Variants in ZMYM1 observed in about 807,000 individuals in gnomAD.
ZMYM1 encodes the protein zinc finger MYM-type containing 1, also known as zinc finger MYM-type protein 1.
Under a neutral mutation model 60.0 loss-of-function variants are expected in ZMYM1, and 39 were observed. The ratio of observed to expected loss-of-function variants is 0.65; its 90% CI spans 0.50 to 0.85. The LOEUF is 0.85. ZMYM1 is among the 40% of genes least tolerant of loss of function. ZMYM1 has a pLI of 0.00. For missense variants in ZMYM1, 1,171 were observed against 1,309.5 expected, an observed-to-expected ratio of 0.89 and a Z score of 1.63; for synonymous variants, 413 against 454.0, an observed-to-expected ratio of 0.91 and a Z score of 1.15.
chr1:35,113,376 A>C lies in ZMYM1; in HGVS notation c.1546A>C (p.Ser516Arg). 6.2e-7 allele frequency: 1 copy of C among 1,613,642 alleles called. No individual in the cohort carries two copies. The highest frequency in any genetic ancestry group is 2.2e-5 in the East Asian group (1 of 44,862). ...TLEKFRKHEK[S>R]EMHLKSLEFW... ...GGAAAAATTCAGAAAGCATGAAAAA[A>C]GTGAAATGCATTTGAAGTCATTGGA... Residue 516 changes from serine (S) to arginine (R), a missense_variant, in exon 10 of 10, where the codon AGT (serine) becomes CGT (arginine). Transcript: ENST00000359858.
At chr1:35,098,590 A>G (rs143209901) in intron 4 of ZMYM1, among the ~76,000 whole-genome samples, 2,137 of 152,318 alleles carry the variant, frequency 0.014, 140 homozygotes, top group Admixed American at 0.11. Context: ...CTAGATCAGC[A>G]TCACCCAAGA....
At chr1:35,097,600 C>T (rs1256837876) in intron 4 of ZMYM1, 34 bp downstream of exon 4, 1 of 1,608,780 alleles carries the variant, frequency 6.2e-7, no homozygotes, top group East Asian at 2.2e-5. Context: ...CCTTTTATTT[C>T]CCTACCTTGT....
At position 35,113,175 on chromosome 1, in the gene ZMYM1, G is replaced by A. The variant is rs780979422; in HGVS notation, c.1345G>A (p.Val449Ile). ...AAAATGTACATCCAAAGTACAAAAA[G>A]TTAAAGGTAAATCACGAAGTATTAA... ...HPKCTSKVQK[V>I]KGKSRSIKKS... Residue 449 changes from valine to isoleucine, a missense_variant, in exon 10 of 10, where the codon GTT (valine) becomes ATT (isoleucine). Val to Ile is a conservative substitution (Grantham distance 29). Transcript: ENST00000359858. 6.2e-7 allele frequency: 1 copy of A among 1,613,662 alleles called. No homozygotes were observed. The highest frequency in any genetic ancestry group is 8.5e-7 in the Non-Finnish European group (1 of 1,179,808).
intron 1 of ZMYM1, among the ~76,000 whole-genome samples, chr1:35,072,760 C>T (rs1320261865): frequency 1.3e-5 from 2 of 151,928 alleles, no homozygotes; most frequent in Non-Finnish European, 2.9e-5. Flanking sequence ...CCAGCCTGGT[C>T]AACATAGTGA....
At chr1:35,097,273 T>A (rs759312452) in intron 3 of ZMYM1, 44 bp from the exon 4 acceptor site, 11 of 1,540,898 alleles carry the variant, frequency 7.1e-6, no homozygotes, top group Admixed American at 2.2e-5. Flanking sequence ...TACTTAATTT[T>A]GTGTAAATAA....
At chr1:35,104,510 C>G in intron 5 of ZMYM1, 41 bp downstream of exon 5, 1 of 1,610,628 alleles carries the variant, frequency 6.2e-7, no homozygotes, top group Non-Finnish European at 8.5e-7. Flanking sequence ...TCTGATGATT[C>G]TGCTTAAATA....
At chr1:35,090,615 G>A (rs1642944456) in intron 1 of ZMYM1, among the ~76,000 whole-genome samples, 1 of 152,194 alleles carries the variant, frequency 6.6e-6, no homozygotes, top group Admixed American at 6.5e-5. Flanking sequence ...TGGATAGTGA[G>A]GAGAAGCAGG....
rs920234666 is a variant in ZMYM1 at position 35,113,253 on chromosome 1, G to A, written c.1423G>A (p.Ala475Thr). The A allele has an allele frequency of 2.5e-6, 4 of 1,613,142 alleles. No individual in the cohort carries two copies. Among genetic ancestry groups the A allele is most frequent in the Non-Finnish European group, 2.5e-6 (3 of 1,179,216 alleles). Residue 475 changes from alanine (A) to threonine (T), a missense_variant, in exon 10 of 10, where the codon GCA becomes ACA. Transcript: ENST00000359858. ...TTTGGAAAACAGTAAAAAAGATGTG[G>A]CATTCTGTTATTCATGCCAGTTGTT... is the stretch of plus-strand genomic sequence containing the variant. ...ECLENSKKDV[A>T]FCYSCQLFCQ...
intron 1 of ZMYM1, among the ~76,000 whole-genome samples, chr1:35,083,675 G>A (rs1314671606): frequency 1.3e-5 from 2 of 152,020 alleles, no homozygotes; most frequent in Non-Finnish European, 2.9e-5. Context: ...GTGTGCAGTG[G>A]TGCGATCATA....
intron 1 of ZMYM1, among the ~76,000 whole-genome samples, chr1:35,085,484 A>G (rs2148495627): frequency 6.6e-6 from 1 of 152,322 alleles, no homozygotes; most frequent in Non-Finnish European, 1.5e-5. Context: ...TGAGGAGGTT[A>G]AGGTGCAGCT....
At chr1:35,074,962 G>A (rs780286940), upstream of ZMYM1, among the ~76,000 whole-genome samples, 20 of 151,834 alleles carry the variant, frequency 1.3e-4, no homozygotes, top group African/African-American at 3.6e-4. Context: ...CTGGGTTTAC[G>A]CCATTCTCCT....
chr1:35,081,293 C>G (rs113101165), intron 1 of ZMYM1, among the ~76,000 whole-genome samples: 2,133 of 152,188 alleles, frequency 0.014, 57 homozygotes, highest in African/African-American at 0.048. Context: ...AGGAGTATAT[C>G]TGCTTCCAGA....
intron 1 of ZMYM1, among the ~76,000 whole-genome samples, chr1:35,067,876 A>G (rs1641999205): frequency 6.7e-6 from 1 of 149,450 alleles, no homozygotes; most frequent in Non-Finnish European, 1.5e-5. Context: ...GTTCTGTCCA[A>G]AAAAAACAAA....
At chr1:35,108,331 A>T (rs912410245) in intron 6 of ZMYM1, among the ~76,000 whole-genome samples, 1 of 151,774 alleles carries the variant, frequency 6.6e-6, no homozygotes, top group Admixed American at 6.6e-5. Context: ...TTGTCTTTGT[A>T]CTTTGGTGGG....
At chr1:35,110,269 G>T in intron 6 of ZMYM1, 25 bp from the exon 7 acceptor site, 1 of 1,436,970 alleles carries the variant, frequency 7.0e-7, no homozygotes, top group South Asian at 1.7e-5. Flanking sequence ...CCAGGAATAT[G>T]AATATTATTT....
intron 4 of ZMYM1, among the ~76,000 whole-genome samples, chr1:35,102,074 G>T (rs963291131): frequency 1.3e-5 from 2 of 152,078 alleles, no homozygotes; most frequent in African/African-American, 4.8e-5. Context: ...CTGGATTTTT[G>T]TATCTGTTTC....
chr1:35,113,766 A>G lies in ZMYM1; in HGVS notation c.1936A>G (p.Ile646Val), dbSNP rs757116727. ...CAATGACTCCTCAGCATTTTCAATC[A>G]TATGTGATGAGACAATCAATAGTGC... is the stretch of plus-strand genomic sequence containing the variant. ...EINDSSAFSI[I>V]CDETINSAMK... The change falls in exon 10 of 10, where the codon ATA becomes GTA. Residue 646 changes from isoleucine (I) to valine (V), a missense_variant. By Grantham distance (29) the Ile-to-Val change is conservative (BLOSUM62 3). Coordinates refer to ENST00000359858, the MANE Select transcript of ZMYM1 (RefSeq NM_024772.5). 2.2e-5 allele frequency: 36 copies of G among 1,613,852 alleles called. No homozygotes were observed. In the African/African-American group the frequency reaches 4.0e-4, roughly 18 times the overall value.
upstream of ZMYM1, among the ~76,000 whole-genome samples, chr1:35,075,564 C>T (rs1642152225): frequency 6.6e-6 from 1 of 152,182 alleles, no homozygotes; most frequent in African/African-American, 2.4e-5. Context: ...TACCCACTCT[C>T]TCCCACCTAG....
At chr1:35,065,820 A>G (rs572308900) in intron 1 of ZMYM1, among the ~76,000 whole-genome samples, 1 of 152,242 alleles carries the variant, frequency 6.6e-6, no homozygotes, top group South Asian at 2.1e-4. Flanking sequence ...GAAAAATTAG[A>G]GTAACCACAA....
Sources: gnomAD v4.1 joint callset for allele counts (sites outside exome capture counted in the v4.1 genomes callset) on GRCh38, gnomAD v4.1.1 for gene constraint, MANE v1.5 for transcripts, NCBI Gene and HGNC (gene_info 2026-07-23, HGNC 2026-07-21) for gene names.